Variants in CCDC102B observed in about 807,000 individuals in gnomAD.
CCDC102B encodes the protein coiled-coil domain-containing protein 102B.
CCDC102B carries 75 observed loss-of-function variants against 57.4 expected under a neutral mutation model. The ratio of observed to expected loss-of-function variants is 1.31; its 90% CI spans 1.08 to 1.58. The LOEUF is 1.58. Among genes scored for constraint, CCDC102B ranks in the 40% most tolerant of loss-of-function variants. The pLI is 0.00. For missense variants in CCDC102B, 636 were observed against 582.6 expected, an observed-to-expected ratio of 1.09 and a Z score of -0.94; for synonymous variants, 206 against 201.9, an observed-to-expected ratio of 1.02 and a Z score of -0.17.
At chr18:68,958,895 A>C (rs1171383260) in intron 6 of CCDC102B, among the ~76,000 whole-genome samples, 1 of 152,030 alleles carries the variant, frequency 6.6e-6, no homozygotes, top group Admixed American at 6.6e-5. Context: ...TAAGATTCTG[A>C]GTTCCTTCTC....
At chr18:68,803,407 A>C (rs770455367) in intron 1 of CCDC102B, among the ~76,000 whole-genome samples, 32 of 152,344 alleles carry the variant, frequency 2.1e-4, no homozygotes, top group Non-Finnish European at 3.4e-4. Flanking sequence ...GGAAGAAAAA[A>C]AGAACATTCA....
chr18:68,798,873 G>A (rs2035732808), intron 1 of CCDC102B, among the ~76,000 whole-genome samples: 1 of 151,966 alleles, frequency 6.6e-6, no homozygotes, highest in Admixed American at 6.6e-5. Flanking sequence ...TACGTTTTCT[G>A]CAAAGATAAA....
intron 5 of CCDC102B, among the ~76,000 whole-genome samples, chr18:68,881,649 G>T (rs948783331): frequency 5.3e-5 from 8 of 152,114 alleles, no homozygotes; most frequent in Non-Finnish European, 8.8e-5. Context: ...AACTGCTTGA[G>T]CTGGAACCTT....
At position 68,879,000 on chromosome 18, in the gene CCDC102B, A is replaced by G. The variant is rs557657931; in HGVS notation, c.1053+4215A>G. Among the ~76,000 whole-genome samples, 14 of 151,782 alleles carry G rather than the reference A, an allele frequency of 9.2e-5. No individual in the cohort carries two copies. The East Asian group carries it at 1.6e-3, about 17-fold the overall frequency. On this transcript the variant is annotated intron_variant, in intron 5 of 7. Coordinates refer to ENST00000360242, the MANE Select transcript of CCDC102B (RefSeq NM_024781.3). The stretch of plus-strand genomic sequence containing the variant: ...CCTTCTGATGTTCGGATGTGTTCGG[A>G]GTTTCTTCCTTCTGGTGGGTTCGTG...
chr18:68,762,246 A>G (rs561088273), intron 2 of CCDC102B, among the ~76,000 whole-genome samples: 2 of 152,162 alleles, frequency 1.3e-5, no homozygotes, highest in South Asian at 2.1e-4. Context: ...GAAGGCTAAC[A>G]TATCTCTTAT....
intron 2 of CCDC102B, among the ~76,000 whole-genome samples, chr18:68,728,174 G>A (rs1238432106): frequency 6.6e-6 from 1 of 152,136 alleles, no homozygotes; most frequent in East Asian, 1.9e-4. Flanking sequence ...ACTGGACTCT[G>A]CTGAAGCTCA....
chr18:68,971,135 CTTAA>C (rs2050290590), intron 6 of CCDC102B, among the ~76,000 whole-genome samples: 1 of 151,914 alleles, frequency 6.6e-6, no homozygotes, highest in South Asian at 2.1e-4. Context: ...AAAATATATT[CTTAA>C]TTAACCTTTA....
intron 1 of CCDC102B, among the ~76,000 whole-genome samples, chr18:68,809,382 C>T (rs530933787): frequency 6.6e-6 from 1 of 152,188 alleles, no homozygotes; most frequent in East Asian, 1.9e-4. Context: ...TCTAAAAACA[C>T]AGTTTAAGTT....
intron 7 of CCDC102B, among the ~76,000 whole-genome samples, chr18:69,051,734 T>TG (rs2052710342): frequency 6.6e-6 from 1 of 151,996 alleles, no homozygotes; most frequent in Admixed American, 6.6e-5. Flanking sequence ...ACATCATATA[T>TG]ACAGAATTTT....
chr18:68,727,494 C>T (rs2145196231), intron 2 of CCDC102B, among the ~76,000 whole-genome samples: 1 of 152,316 alleles, frequency 6.6e-6, no homozygotes, highest in Non-Finnish European at 1.5e-5. Flanking sequence ...GAAATTCCGC[C>T]ATAACGTGGA....
chr18:68,870,664 A>G (rs1009849714), intron 4 of CCDC102B, among the ~76,000 whole-genome samples: 6 of 152,198 alleles, frequency 3.9e-5, no homozygotes, highest in Admixed American at 2.6e-4. Flanking sequence ...CTATTTCTCT[A>G]TGAAAGAAGT....
At chr18:69,029,075 T>C (rs1334844665) in intron 7 of CCDC102B, among the ~76,000 whole-genome samples, 1 of 152,196 alleles carries the variant, frequency 6.6e-6, no homozygotes, top group African/African-American at 2.4e-5. Context: ...TCTCTCTACA[T>C]AGAATGTATT....
chr18:68,763,457 G>GA (rs1267064478), intron 2 of CCDC102B, among the ~76,000 whole-genome samples: 1 of 152,096 alleles, frequency 6.6e-6, no homozygotes, highest in Non-Finnish European at 1.5e-5. Context: ...AATATTGGCA[G>GA]AAAGAGTCTT....
Position 68,911,472 on chromosome 18 carries a change from G to T in CCDC102B, c.1263+14044G>T, listed in dbSNP as rs561439287. On this transcript the variant is annotated intron_variant, in intron 6 of 7. Coordinates refer to ENST00000360242, the MANE Select transcript of CCDC102B (RefSeq NM_024781.3). ...GGGAGGATGGAGAAGATCAGAAAAG[G>T]CCGGGCGCGGTGGCTCACGCCTGTA... Among the ~76,000 whole-genome samples, 290 of 150,992 alleles carry T rather than the reference G, an allele frequency of 1.9e-3. 3 individuals are homozygous for T. Among genetic ancestry groups the T allele is most frequent in the African/African-American group, 6.9e-3 (282 of 40,706 alleles).
In CCDC102B at chr18:68,738,776, C is replaced by A. The variant is rs189690918; in HGVS notation, c.-67+22182C>A. Among the ~76,000 whole-genome samples, 5 of 152,288 alleles carry A rather than the reference C, an allele frequency of 3.3e-5. No individual in the cohort carries two copies. The East Asian group carries it at 9.7e-4, about 29-fold the overall frequency. Reference sequence around the variant, plus strand: ...AACCTGATTTAGAAGGATCTCCACACTTTGTTCCCACTCCATGCCTCCCAC... The same window carrying A: ...AACCTGATTTAGAAGGATCTCCACAATTTGTTCCCACTCCATGCCTCCCAC... On this transcript the variant is annotated intron_variant, in intron 2 of 3. Coordinates refer to the CCDC102B transcript ENST00000578970.
chr18:68,957,681 A>G (rs2145218748), intron 6 of CCDC102B, among the ~76,000 whole-genome samples: 1 of 151,336 alleles, frequency 6.6e-6, no homozygotes, highest in East Asian at 2.0e-4. Flanking sequence ...TAGAGATTCC[A>G]TTGCATTTGT....
intron 7 of CCDC102B, among the ~76,000 whole-genome samples, chr18:69,033,298 C>A (rs1389623994): frequency 6.6e-6 from 1 of 152,052 alleles, no homozygotes; most frequent in Non-Finnish European, 1.5e-5. Context: ...AATTAATACA[C>A]CATACATTTT....
Position 68,763,959 on chromosome 18 carries a change from G to A in CCDC102B, c.-67+47365G>A, listed in dbSNP as rs530329676. On this transcript the variant is annotated intron_variant, in intron 2 of 3. Coordinates refer to the CCDC102B transcript ENST00000578970. ...ACAATGCATTAGAACCTTGATCATC[G>A]TTGCTTTCTATTCTCATAGCTTCAT... Among the ~76,000 whole-genome samples the A allele has an allele frequency of 3.9e-5, 6 of 151,982 alleles. No homozygotes were observed. The South Asian group carries it at 8.3e-4, about 21-fold the overall frequency.
intron 5 of CCDC102B, among the ~76,000 whole-genome samples, chr18:68,896,731 T>A (rs578043624): frequency 6.6e-6 from 1 of 152,078 alleles, no homozygotes; most frequent in East Asian, 1.9e-4. Context: ...ACTTTTTGCA[T>A]TACTTTTTGG....
Sources: allele counts gnomAD v4.1 joint callset (sites outside exome capture counted in the v4.1 genomes callset), GRCh38; gene constraint gnomAD v4.1.1; transcripts MANE v1.5; gene names NCBI Gene and HGNC (gene_info 2026-07-23, HGNC 2026-07-21).